SSH2: variants seen among roughly 807,000 people sequenced by gnomAD.
SSH2 encodes the protein slingshot protein phosphatase 2.
Under a neutral mutation model 135.2 loss-of-function variants are expected in SSH2, and 37 were observed. That is an observed-to-expected ratio of 0.27 (90% CI 0.21 to 0.36). The LOEUF is 0.36. SSH2 is among the 10% of genes least tolerant of loss of function. The pLI, the probability that SSH2 is intolerant of heterozygous loss-of-function variation, is 1.00. For synonymous variants in SSH2, 628 were observed against 646.2 expected (o/e 0.97, Z 0.43); for missense variants, 1,408 against 1,765.3 (o/e 0.80, Z 3.63).
chr17:29,792,821 C>A (rs1252912553), intron 3 of SSH2, among the ~76,000 whole-genome samples: 4 of 152,190 alleles, frequency 2.6e-5, no homozygotes, highest in Non-Finnish European at 4.4e-5. Context: ...GGACTACAGG[C>A]ACCCGCCACC....
chr17:29,696,174 TACACAC>T (rs199942164), intron 4 of SSH2, among the ~76,000 whole-genome samples: 5,988 of 137,116 alleles, frequency 0.044, 385 homozygotes, highest in African/African-American at 0.14. Context: ...TGTATATATA[TACACAC>T]ACACACACAC....
Position 29,929,986 on chromosome 17 carries a change from C to T in SSH2, c.15G>A (p.Thr5=). 6.3e-7 allele frequency: 1 copy of T among 1,595,886 alleles called. No individual in the cohort carries two copies. ...TGCTGGGGGTAGGTGACCGCTGGACCGTGACCAAAGCCATCTAGGCGCTGC... is the reference window on the plus strand; with the variant it reads ...TGCTGGGGGTAGGTGACCGCTGGACTGTGACCAAAGCCATCTAGGCGCTGC... The part of the protein sequence containing the change: MALV[T]VQRSPTPSTT... Residue 5 remains threonine (T), a synonymous_variant, in exon 1 of 16, where the codon ACG becomes ACA. Coordinates refer to ENST00000540801, the MANE Select transcript of SSH2 (RefSeq NM_001282129.2).
chr17:29,925,825 C>T (rs2067054147), intron 1 of SSH2, among the ~76,000 whole-genome samples: 1 of 151,960 alleles, frequency 6.6e-6, no homozygotes, highest in Admixed American at 6.6e-5. Flanking sequence ...TTAATTATTC[C>T]ATAATGTACA....
chr17:29,849,817 T>C (rs1321290672), intron 1 of SSH2, among the ~76,000 whole-genome samples: 2 of 128,640 alleles, frequency 1.6e-5, no homozygotes, highest in African/African-American at 2.9e-5. Flanking sequence ...CTGGCCAACA[T>C]AGTAAAACCC....
intron 3 of SSH2, among the ~76,000 whole-genome samples, chr17:29,738,587 TCTGTTGCC>T (rs1309550478): frequency 6.6e-6 from 1 of 150,824 alleles, no homozygotes; most frequent in Non-Finnish European, 1.5e-5. Context: ...GGAGTCTCGC[TCTGTTGCC>T]TAGGCTGGAG....
intron 2 of SSH2, among the ~76,000 whole-genome samples, chr17:29,801,461 A>G (rs933560078): frequency 1.3e-5 from 2 of 152,106 alleles, no homozygotes; most frequent in Admixed American, 6.5e-5. Context: ...TCCTTTGTTC[A>G]TGCTGTTGTA....
chr17:29,775,446 A>G (rs549435421), intron 3 of SSH2, among the ~76,000 whole-genome samples: 44 of 152,220 alleles, frequency 2.9e-4, no homozygotes, highest in African/African-American at 9.9e-4. Context: ...AGATTTATTC[A>G]CCAAATTAAT....
At chr17:29,822,522 T>A (rs1402203283) in intron 2 of SSH2, among the ~76,000 whole-genome samples, 1 of 151,956 alleles carries the variant, frequency 6.6e-6, no homozygotes. Context: ...TCACTACGCC[T>A]GGCTCATTTT....
intron 3 of SSH2, among the ~76,000 whole-genome samples, chr17:29,736,322 C>A (rs2040362702): frequency 6.6e-6 from 1 of 152,108 alleles, no homozygotes; most frequent in African/African-American, 2.4e-5. Flanking sequence ...CCAGAGCATG[C>A]CATTTGATGA....
rs1351906719 is a variant in SSH2, at chr17:29,638,302, GA to G, written c.1428-1501del. 1.4e-4 allele frequency among the ~76,000 whole-genome samples: 19 copies of G among 137,318 alleles called. 1 individual carries two copies. The East Asian group carries it at 2.3e-3, about 17-fold the overall frequency. The allele number at this position is 137,318 out of a possible 152,430, so 90.1% of individuals were successfully genotyped here. A position where few individuals can be genotyped will look rare whatever the true frequency, so the allele number is the denominator to read the frequency against. ...GGTAAGAAAAAAAAAAAACTAAAAG[GA>G]AAAAAAAAACCTGTCAGGTATTTTA... On this transcript the variant is annotated intron_variant, in intron 14 of 15. Transcript: ENST00000540801.
At chr17:29,891,273 C>T (rs1312368569) in intron 1 of SSH2, among the ~76,000 whole-genome samples, 3 of 152,176 alleles carry the variant, frequency 2.0e-5, no homozygotes, top group Non-Finnish European at 4.4e-5. Context: ...CTGACTATCT[C>T]AAGAGAGACT....
At chr17:29,660,793 A>T (rs1483497409) in intron 11 of SSH2, among the ~76,000 whole-genome samples, 2 of 151,876 alleles carry the variant, frequency 1.3e-5, no homozygotes, top group Admixed American at 1.3e-4. Flanking sequence ...GCAGTGGCTC[A>T]TGCCTGTAGT....
chr17:29,830,187 TTGCTGACTTTATC>T lies in SSH2; in HGVS notation c.144+18649_144+18661del, dbSNP rs1401094390. 7.9e-5 allele frequency among the ~76,000 whole-genome samples: 12 copies of T among 152,314 alleles called. No homozygotes were observed. The South Asian group carries it at 2.3e-3, about 29-fold the overall frequency. On this transcript the variant is annotated intron_variant, in intron 2 of 15. Coordinates refer to ENST00000540801, the MANE Select transcript of SSH2 (RefSeq NM_001282129.2). ...TTATAAGGCTGCAGCATCTGGCCTTTTGCTGACTTTATCAGCACCAGCTTGAGTTATTTTCTCC... is the reference window on the plus strand; with the variant it reads ...TTATAAGGCTGCAGCATCTGGCCTTTAGCACCAGCTTGAGTTATTTTCTCC...
intron 3 of SSH2, among the ~76,000 whole-genome samples, chr17:29,711,354 T>A (rs192002069): frequency 1.3e-5 from 2 of 152,330 alleles, no homozygotes; most frequent in Admixed American, 6.5e-5. Context: ...CTACAGATCA[T>A]CAATGGAAGG....
Position 29,627,559 on chromosome 17 carries a change from A to C in SSH2, c.*3282T>G, listed in dbSNP as rs2035534997. 6.6e-6 allele frequency: 1 copy of C among 152,536 alleles called. No individual in the cohort carries two copies. The highest frequency in any genetic ancestry group is 1.5e-5 in the Non-Finnish European group (1 of 68,040). The allele number at this position is 152,536 out of a possible 1,614,324, so 9.4% of individuals were successfully genotyped here. A position where few individuals can be genotyped will look rare whatever the true frequency, so the allele number is the denominator to read the frequency against. On this transcript the variant is annotated 3_prime_UTR_variant, in exon 16 of 16. Transcript: ENST00000540801. ...ATCAGTAGGGATAAAGACACAGAAC[A>C]AGGAAATCCATAACCCTGTCTCAAG... is the stretch of plus-strand genomic sequence containing the variant.
chr17:29,834,537 ACCTGTGGTTTTGACTTTGTTTAT>A (rs1305878551), intron 2 of SSH2, among the ~76,000 whole-genome samples: 2 of 152,028 alleles, frequency 1.3e-5, no homozygotes, highest in Non-Finnish European at 2.9e-5. Flanking sequence ...CTTTTTCCCA[ACCTGTGGTTTTGACTTTGTTTAT>A]AAGATCTTTT....
intron 1 of SSH2, among the ~76,000 whole-genome samples, chr17:29,868,599 G>T (rs772923294): frequency 2.0e-5 from 3 of 152,060 alleles, no homozygotes; most frequent in Non-Finnish European, 4.4e-5. Context: ...TTAGCTGGGC[G>T]TGGCAGCTTG....
At chr17:29,826,919 CAAAAGG>C (rs2042756151) in intron 2 of SSH2, among the ~76,000 whole-genome samples, 2 of 152,080 alleles carry the variant, frequency 1.3e-5, no homozygotes, top group Admixed American at 6.6e-5. Flanking sequence ...ACACAGTTCC[CAAAAGG>C]AAAAGATGAA....
intron 3 of SSH2, among the ~76,000 whole-genome samples, chr17:29,727,979 G>A (rs769802040): frequency 6.6e-6 from 1 of 152,138 alleles, no homozygotes; most frequent in Non-Finnish European, 1.5e-5. Flanking sequence ...CCAGGAGTTC[G>A]AGACAAGCCT....
Sources: allele counts gnomAD v4.1 joint callset (sites outside exome capture counted in the v4.1 genomes callset), GRCh38; gene constraint gnomAD v4.1.1; transcripts MANE v1.5; gene names NCBI Gene and HGNC (gene_info 2026-07-23, HGNC 2026-07-21).